The following VBP1 variants were observed in gnomAD, a reference collection of about 807,000 sequenced individuals.
VBP1 encodes the protein prefoldin subunit 3.
VBP1 carries 4 observed loss-of-function variants against 15.5 expected under a neutral mutation model. That is an observed-to-expected ratio of 0.26 (90% CI 0.13 to 0.59). VBP1 has a LOEUF of 0.59. Among genes scored for constraint, VBP1 ranks in the 20% least tolerant of loss-of-function variants. VBP1 has a pLI of 0.90. For missense variants in VBP1, 108 were observed against 139.6 expected (o/e 0.77, Z 1.14); for synonymous variants, 61 against 52.1 (o/e 1.17, Z -0.74).
At chrX:155,201,431 C>T (rs1318527979) in intron 1 of VBP1, among the ~76,000 whole-genome samples, 2 of 97,776 alleles carry the variant, frequency 2.0e-5, no homozygotes, top group Non-Finnish European at 4.1e-5. Context: ...TGGGCTTCAT[C>T]CCTGGGATGC....
chrX:155,234,662 C>G (rs1258240261), intron 4 of VBP1, among the ~76,000 whole-genome samples: 2 of 111,524 alleles, frequency 1.8e-5, no homozygotes, highest in Non-Finnish European at 3.8e-5. Flanking sequence ...TCTCTCTCAT[C>G]TTTCATTTAT....
intron 1 of VBP1, among the ~76,000 whole-genome samples, chrX:155,201,746 G>T (rs2074605075): frequency 9.4e-6 from 1 of 106,924 alleles, no homozygotes. Context: ...CATAGTGTTG[G>T]AAGTTCTGGC....
At chrX:155,204,774 G>C (rs2074620861) in intron 1 of VBP1, among the ~76,000 whole-genome samples, 1 of 112,139 alleles carries the variant, frequency 8.9e-6, no homozygotes, top group African/African-American at 3.2e-5. Context: ...TATTAATATG[G>C]TTTAGTTTAG....
At chrX:155,216,042 G>A (rs1437126560), upstream of VBP1, among the ~76,000 whole-genome samples, 3 of 110,819 alleles carry the variant, frequency 2.7e-5, no homozygotes, top group African/African-American at 9.9e-5. Flanking sequence ...GAAAGGCACA[G>A]AGGCTGAACC....
intron 2 of VBP1, among the ~76,000 whole-genome samples, chrX:155,224,420 C>T (rs1045537278): frequency 8.4e-5 from 8 of 95,756 alleles, no homozygotes; most frequent in South Asian, 9.5e-4. Flanking sequence ...GCCAACACAG[C>T]GAAACCCTGT....
chrX:155,220,346 G>A, intron 2 of VBP1, 39 bp downstream of exon 2: 1 of 1,064,450 alleles, frequency 9.4e-7, no homozygotes, highest in East Asian at 3.3e-5. Flanking sequence ...AATCTTATAT[G>A]ACTTGAACTT....
chrX:155,230,729 G>A (rs2074742118), intron 4 of VBP1, among the ~76,000 whole-genome samples: 2 of 109,141 alleles, frequency 1.8e-5, no homozygotes, highest in South Asian at 4.1e-4. Context: ...TGTTGCCCAG[G>A]CTGGAGTACA....
intron 1 of VBP1, among the ~76,000 whole-genome samples, chrX:155,198,149 G>A (rs1196230872): frequency 1.8e-5 from 2 of 112,810 alleles, no homozygotes; most frequent in African/African-American, 3.2e-5. Flanking sequence ...AAGGAGGCCT[G>A]CCTCCCTCTG....
chrX:155,202,480 C>G (rs1376395370), intron 1 of VBP1, among the ~76,000 whole-genome samples: 1 of 110,951 alleles, frequency 9.0e-6, no homozygotes, highest in Non-Finnish European at 1.9e-5. Context: ...TGATCTTTGA[C>G]AAACCTGAGA....
intron 2 of VBP1, among the ~76,000 whole-genome samples, chrX:155,210,170 G>A (rs1460337220): frequency 9.0e-6 from 1 of 111,542 alleles, no homozygotes; most frequent in African/African-American, 3.3e-5. Context: ...TGTCAGCCCG[G>A]TGCAGTGGCC....
chrX:155,204,389 G>T (rs1364313660), intron 1 of VBP1, among the ~76,000 whole-genome samples: 3 of 111,401 alleles, frequency 2.7e-5, no homozygotes, highest in Admixed American at 9.6e-5. Flanking sequence ...CTGACCTCAG[G>T]TGATCCGCCC....
chrX:155,199,782 C>A (rs1320520457), intron 1 of VBP1, among the ~76,000 whole-genome samples: 1 of 111,940 alleles, frequency 8.9e-6, no homozygotes, highest in African/African-American at 3.3e-5. Flanking sequence ...TGTAAATGGG[C>A]TAAATGCTCC....
chrX:155,226,326 G>T (rs1343417359), intron 2 of VBP1, among the ~76,000 whole-genome samples: 2 of 111,636 alleles, frequency 1.8e-5, no homozygotes, highest in African/African-American at 6.5e-5. Context: ...GAGGTTGATT[G>T]CATTTGGGAG....
intron 1 of VBP1, among the ~76,000 whole-genome samples, chrX:155,198,173 T>TG (rs1222734974): frequency 1.8e-5 from 2 of 112,739 alleles, no homozygotes; most frequent in African/African-American, 6.4e-5. Flanking sequence ...GCTCCACCTC[T>TG]GGGGGCATGG....
At chrX:155,210,210 T>C (rs1468681415) in intron 2 of VBP1, among the ~76,000 whole-genome samples, 1 of 111,020 alleles carries the variant, frequency 9.0e-6, no homozygotes, top group African/African-American at 3.3e-5. Context: ...CTTTGGGAGG[T>C]TGAGGTGGCA....
At chrX:155,235,223 GT>G in intron 4 of VBP1, among the ~76,000 whole-genome samples, 1 of 106,430 alleles carries the variant, frequency 9.4e-6, no homozygotes, top group African/African-American at 3.4e-5. Context: ...CCCTGCTTTG[GT>G]TTTTTTTTCT....
rs781965717 is a variant in VBP1 at position 155,198,709 on chromosome X, C to A, written c.-31+1570C>A. Among the ~76,000 whole-genome samples the A allele has an allele frequency of 6.3e-5, 7 of 111,891 alleles. No homozygotes were observed. In the South Asian group the frequency reaches 2.2e-3, roughly 35 times the overall value. ...CTCTAAAAAGCAGAGCACCTCTCCT[C>A]CTCCAAAGGAACGCAGTTCCTCACC... is the stretch of plus-strand genomic sequence containing the variant. On this transcript the variant is annotated intron_variant, in intron 1 of 6. Coordinates refer to the VBP1 transcript ENST00000535916.
At position 155,227,215 on chromosome X, in the gene VBP1, A is replaced by T; in HGVS notation, c.219-20A>T. 8.5e-7 allele frequency: 1 copy of T among 1,182,889 alleles called. No individual in the cohort carries two copies. The highest frequency in any genetic ancestry group is 1.1e-6 in the Non-Finnish European group (1 of 879,653). On this transcript the variant is annotated intron_variant, in intron 2 of 5. Transcript: ENST00000286428. Reference sequence around the variant, plus strand: ...ATTTTTGCCTGCAAAATACTAAGTTACTCTTTTTCTTGTTCACAGGCTAAA... The same window carrying T: ...ATTTTTGCCTGCAAAATACTAAGTTTCTCTTTTTCTTGTTCACAGGCTAAA...
At chrX:155,201,378 C>T (rs1328983081) in intron 1 of VBP1, among the ~76,000 whole-genome samples, 23 of 101,138 alleles carry the variant, frequency 2.3e-4, no homozygotes, top group African/African-American at 7.4e-4. Flanking sequence ...ACTGGCAAAC[C>T]GAATCCAGCA....
Sources: allele counts gnomAD v4.1 joint callset (sites outside exome capture counted in the v4.1 genomes callset), GRCh38; gene constraint gnomAD v4.1.1; transcripts MANE v1.5; gene names NCBI Gene and HGNC (gene_info 2026-07-23, HGNC 2026-07-21).